Variants in SLC38A10 observed in about 807,000 individuals in gnomAD.
The protein encoded by SLC38A10 is Sodium-coupled neutral amino acid transporter 10.
In SLC38A10, 53 loss-of-function variants were observed where a neutral mutation model predicts 81.0. The observed-to-expected ratio is 0.65, with a 90% CI of 0.53 to 0.82. The LOEUF is 0.82. SLC38A10 is among the 40% of genes least tolerant of loss of function. The probability of loss-of-function intolerance (pLI) is 0.00; values close to 1 mark genes in which losing one functional copy is unlikely to be tolerated. For synonymous variants in SLC38A10, 665 were observed against 655.3 expected (o/e 1.01, Z -0.23); for missense variants, 1,471 against 1,545.0 (o/e 0.95, Z 0.80).
At chr17:81,271,963 G>T (rs543661152) in intron 9 of SLC38A10, among the ~76,000 whole-genome samples, 2 of 151,664 alleles carry the variant, frequency 1.3e-5, no homozygotes, top group Admixed American at 6.6e-5. Flanking sequence ...TCCTGACCTC[G>T]TGATCCGCCC....
chr17:81,289,877 C>A lies in SLC38A10; in HGVS notation c.100-69G>T. 1.5e-6 allele frequency: 2 copies of A among 1,328,638 alleles called. No homozygotes were observed. The highest frequency in any genetic ancestry group is 2.0e-6 in the Non-Finnish European group (2 of 976,364). 82.3% of individuals were successfully genotyped at this position (1,328,638 alleles called of 1,614,324 possible). On this transcript the variant is annotated intron_variant, in intron 1 of 15. Coordinates refer to ENST00000374759, the MANE Select transcript of SLC38A10 (RefSeq NM_001037984.3). The surrounding 1 kb of genome is among the most constrained non-coding windows in gnomAD (Gnocchi z 5.9). The stretch of plus-strand genomic sequence containing the variant: ...TCCCCAGAGGCCCTCACCCCACACA[C>A]GCGGCTCATGAGGACCCTCTTCACC...
intron 4 of SLC38A10, among the ~76,000 whole-genome samples, chr17:81,282,801 T>C (rs1177226478): frequency 3.9e-5 from 6 of 152,228 alleles, no homozygotes; most frequent in Admixed American, 1.3e-4. Context: ...GAACTGTCTC[T>C]GACAAGGAGC....
Position 81,251,563 on chromosome 17 carries a change from C to G in SLC38A10, c.1995G>C (p.Leu665=). The change falls in exon 14 of 16, where the codon CTG becomes CTC. Residue 665 remains leucine, a synonymous_variant. Coordinates refer to ENST00000374759, the MANE Select transcript of SLC38A10 (RefSeq NM_001037984.3). ...PAEKPAPGPG[L]PPEPREQRDV... ...CCCTCTGCTCGCGAGGCTCGGGCGGCAGCCCAGGCCCTGGAGCCGGCTTCT... is the reference window on the plus strand; with the variant it reads ...CCCTCTGCTCGCGAGGCTCGGGCGGGAGCCCAGGCCCTGGAGCCGGCTTCT... The G allele has an allele frequency of 3.3e-6, 5 of 1,502,490 alleles. No homozygotes were observed. Among genetic ancestry groups the G allele is most frequent in the Non-Finnish European group, 4.4e-6 (5 of 1,131,558 alleles). 93.1% of individuals were successfully genotyped at this position (1,502,490 alleles called of 1,614,324 possible).
chr17:81,246,292 G>A lies in SLC38A10; in HGVS notation c.2624C>T (p.Ala875Val), dbSNP rs1963745353. 1.2e-6 allele frequency: 2 copies of A among 1,611,886 alleles called. No homozygotes were observed. Among genetic ancestry groups the A allele is most frequent in the Non-Finnish European group, 1.7e-6 (2 of 1,179,918 alleles). ...CTGACTTTGCCCAGGGAATTCCTCTGCGAGGCGCTCCTCTGGGCCCCCGGC... is the reference window on the plus strand; with the variant it reads ...CTGACTTTGCCCAGGGAATTCCTCTACGAGGCGCTCCTCTGGGCCCCCGGC... Reference protein sequence around the residue: ...REAGGPEERLAEEFPGQSQDV... With the variant: ...REAGGPEERLVEEFPGQSQDV... Residue 875 changes from alanine (A) to valine (V), a missense_variant, in exon 16 of 16, where the codon GCA (alanine) becomes GTA (valine). Physicochemically the swap from Ala to Val is moderately conservative, Grantham distance 64. Around this residue, in one of 2 missense-constraint regions of SLC38A10, gnomAD observed 751 missense variants for 717.4 expected, o/e 1.05. Transcript: ENST00000374759.
chr17:81,257,122 A>C (rs2062980213), intron 11 of SLC38A10, among the ~76,000 whole-genome samples: 1 of 152,054 alleles, frequency 6.6e-6, no homozygotes. Flanking sequence ...CCCTACTGAG[A>C]AAGTTTTCTT....
chr17:81,249,532 A>AGGG, intron 14 of SLC38A10, among the ~76,000 whole-genome samples: 1 of 116,814 alleles, frequency 8.6e-6, no homozygotes, highest in African/African-American at 3.2e-5. Flanking sequence ...GGGAGGAAGG[A>AGGG]AGAGGAAGAG....
intron 1 of SLC38A10, among the ~76,000 whole-genome samples, chr17:81,291,901 C>T (rs8076302): frequency 0.2 from 30,933 of 152,134 alleles, 3,410 homozygotes; most frequent in Non-Finnish European, 0.23. Context: ...GGCAGCACCA[C>T]CGTGGCACAC....
At chr17:81,252,119 G>C in intron 13 of SLC38A10, 76 bp downstream of exon 13, 2 of 1,477,606 alleles carry the variant, frequency 1.4e-6, no homozygotes, top group Non-Finnish European at 1.8e-6. Flanking sequence ...AGGAACCATC[G>C]ATTCTGCTGC....
intron 1 of SLC38A10, among the ~76,000 whole-genome samples, chr17:81,293,673 A>G (rs1254808646): frequency 1.3e-5 from 2 of 152,086 alleles, no homozygotes; most frequent in Non-Finnish European, 2.9e-5. Flanking sequence ...GGGTCTTACT[A>G]TGTTGCCCAG....
chr17:81,272,734 A>C, intron 8 of SLC38A10, 107 bp from the exon 9 acceptor site: 21 of 710,380 alleles, frequency 3.0e-5, no homozygotes, highest in African/African-American at 5.5e-5. Context: ...GCACATCTCC[A>C]CGTGAGGCCG....
Position 81,286,666 on chromosome 17 carries a change from G to A in SLC38A10, c.218-1771C>T, listed in dbSNP as rs2063269943. On this transcript the variant is annotated intron_variant, in intron 2 of 15. Coordinates refer to ENST00000374759, the MANE Select transcript of SLC38A10 (RefSeq NM_001037984.3). The surrounding 1 kb of genome is among the most constrained non-coding windows in gnomAD (Gnocchi z 6.0). ...CCCCTGCCAGGCTGGAGGTATCTGT[G>A]AGCGGCGAGCTCTGAGGGCGCGGCC... Among the ~76,000 whole-genome samples, 1 of 152,194 alleles carries A rather than the reference G, an allele frequency of 6.6e-6. No individual in the cohort carries two copies. The highest frequency in any genetic ancestry group is 2.4e-5 in the African/African-American group (1 of 41,450).
rs1464002281 is a variant in SLC38A10, at chr17:81,286,825, T to A, written c.218-1930A>T. Among the ~76,000 whole-genome samples the A allele has an allele frequency of 2.6e-5, 4 of 152,054 alleles. No homozygotes were observed. Among genetic ancestry groups the A allele is most frequent in the African/African-American group, 9.7e-5 (4 of 41,390 alleles). Reference sequence around the variant, plus strand: ...GACACCGCTGCTCACAACCGAGAACTCAGAGGCCGCGTGGGGGCCAAACAG... The same window carrying A: ...GACACCGCTGCTCACAACCGAGAACACAGAGGCCGCGTGGGGGCCAAACAG... On this transcript the variant is annotated intron_variant, in intron 2 of 15. Coordinates refer to ENST00000374759, the MANE Select transcript of SLC38A10 (RefSeq NM_001037984.3). The surrounding 1 kb of genome is among the most constrained non-coding windows in gnomAD (Gnocchi z 6.0).
At chr17:81,272,312 G>A (rs1022440158) in intron 9 of SLC38A10, among the ~76,000 whole-genome samples, 3 of 152,234 alleles carry the variant, frequency 2.0e-5, no homozygotes, top group Admixed American at 6.5e-5. Flanking sequence ...GATTACAGGT[G>A]TGAGCCACCG....
chr17:81,283,079 G>C lies in SLC38A10; in HGVS notation c.357+330C>G, dbSNP rs987941337. Among the ~76,000 whole-genome samples the C allele has an allele frequency of 3.3e-5, 5 of 152,164 alleles. No homozygotes were observed. In the East Asian group the frequency reaches 9.7e-4, roughly 29 times the overall value. On this transcript the variant is annotated intron_variant, in intron 4 of 15. Transcript: ENST00000374759. This position sits in a 1 kb window ranked among gnomAD's most constrained non-coding sequence, Gnocchi z 4.7. The stretch of plus-strand genomic sequence containing the variant: ...AGCTCTGGGTGACCATGGAGGCCGG[G>C]GATGCCTGAGGGCCTGGCCGCCTCT...
At chr17:81,278,761 T>G (rs905934360) in intron 6 of SLC38A10, among the ~76,000 whole-genome samples, 1 of 152,180 alleles carries the variant, frequency 6.6e-6, no homozygotes, top group Admixed American at 6.5e-5. Context: ...GGGACCAGCG[T>G]TGGTGCCCCA....
intron 6 of SLC38A10, among the ~76,000 whole-genome samples, chr17:81,278,058 AGCAGCC>A (rs2063177907): frequency 8.0e-6 from 1 of 124,948 alleles, no homozygotes; most frequent in African/African-American, 3.3e-5. Flanking sequence ...GCAGAAAGCC[AGCAGCC>A]AGTAAATGGA....
Position 81,280,749 on chromosome 17 carries a change from G to A in SLC38A10, c.502-16C>T. 1 of 1,607,506 alleles carries A rather than the reference G, an allele frequency of 6.2e-7. No individual in the cohort carries two copies. The highest frequency in any genetic ancestry group is 8.5e-7 in the Non-Finnish European group (1 of 1,176,298). On this transcript the variant is annotated splice_polypyrimidine_tract_variant and intron_variant, in intron 5 of 15. Transcript: ENST00000374759. ...AGAGCACGATCTGCAGAGGGAGAGG[G>A]GAGAGAGCACGGGGCAGGTCAGGAC...
intron 4 of SLC38A10, 71 bp from the exon 5 acceptor site, chr17:81,282,403 G>A (rs571271736): frequency 6.5e-7 from 1 of 1,534,880 alleles, no homozygotes; most frequent in African/African-American, 1.4e-5. Flanking sequence ...TGCACTGACA[G>A]GGAGTGGGAG....
chr17:81,293,193 CAGG>C (rs1330047920), intron 1 of SLC38A10, among the ~76,000 whole-genome samples: 3 of 152,196 alleles, frequency 2.0e-5, no homozygotes, highest in African/African-American at 7.2e-5. Flanking sequence ...CTTTGACTTG[CAGG>C]AGAAGGACCA....
Sources: gnomAD v4.1 joint callset for allele counts (sites outside exome capture counted in the v4.1 genomes callset) on GRCh38, gnomAD v4.1.1 for gene constraint, gnomAD v4.1.1 regional missense constraint, Gnocchi (gnomAD v3.1) non-coding constraint, MANE v1.5 for transcripts, NCBI Gene and HGNC (gene_info 2026-07-23, HGNC 2026-07-21) for gene names.